ARID4A: variants seen among roughly 807,000 people sequenced by gnomAD.
ARID4A encodes AT-rich interactive domain-containing protein 4A.
Under a neutral mutation model 148.6 loss-of-function variants are expected in ARID4A, and 39 were observed. That is an observed-to-expected ratio of 0.26 (90% confidence interval 0.20 to 0.34). The LOEUF is 0.34. Among genes scored for constraint, ARID4A ranks in the 10% least tolerant of loss-of-function variants. The pLI is 1.00. For synonymous variants in ARID4A, 475 were observed against 481.2 expected, an observed-to-expected ratio of 0.99 and a Z score of 0.17; for missense variants, 1,265 against 1,449.1, an observed-to-expected ratio of 0.87 and a Z score of 2.06.
chr14:58,300,182 G>C (rs61028503), intron 2 of ARID4A, among the ~76,000 whole-genome samples: 454 of 152,200 alleles, frequency 3.0e-3, no homozygotes, highest in African/African-American at 0.011. Context: ...GGTTCTTTGG[G>C]GGATTTTTTG....
chr14:58,325,275 C>CTTGTT (rs560915049), intron 8 of ARID4A, among the ~76,000 whole-genome samples: 113 of 152,036 alleles, frequency 7.4e-4, no homozygotes, highest in East Asian at 7.4e-3. Context: ...CTTAAATACT[C>CTTGTT]TTGTTTTGTT....
chr14:58,303,441 T>G, intron 3 of ARID4A: 1 of 443,148 alleles, frequency 2.3e-6, no homozygotes, highest in East Asian at 7.2e-5. Context: ...CCAGATTTTT[T>G]TTACTGTGCC....
intron 8 of ARID4A, among the ~76,000 whole-genome samples, chr14:58,326,826 G>A (rs1022495510): frequency 6.6e-6 from 1 of 152,136 alleles, no homozygotes; most frequent in Non-Finnish European, 1.5e-5. Flanking sequence ...GCCCAGGTTA[G>A]GTGAAATCTT....
At chr14:58,344,555 C>T in intron 11 of ARID4A, 140 bp from the exon 12 acceptor site, 1 of 594,136 alleles carries the variant, frequency 1.7e-6, no homozygotes, top group Non-Finnish European at 3.0e-6. Flanking sequence ...TAAAATCTGT[C>T]ATTGTAGGAT....
intron 3 of ARID4A, chr14:58,303,621 A>C (rs1249861871): frequency 2.2e-6 from 1 of 453,256 alleles, no homozygotes. Flanking sequence ...GTGGACCCTC[A>C]AAATTTGTTG....
intron 15 of ARID4A, among the ~76,000 whole-genome samples, chr14:58,349,976 G>C (rs2034557373): frequency 6.6e-6 from 1 of 150,734 alleles, no homozygotes; most frequent in African/African-American, 2.4e-5. Context: ...GGGCATGGTG[G>C]TGCGCGCCTG....
intron 10 of ARID4A, 86 bp downstream of exon 10, chr14:58,329,690 T>A: frequency 1.7e-6 from 2 of 1,189,472 alleles, no homozygotes; most frequent in Non-Finnish European, 2.5e-6. Context: ...TACTCTCTGG[T>A]ACCACCATTT....
At chr14:58,315,090 G>A (rs2032319225) in intron 5 of ARID4A, among the ~76,000 whole-genome samples, 2 of 152,172 alleles carry the variant, frequency 1.3e-5, no homozygotes, top group South Asian at 4.1e-4. Flanking sequence ...CTACACTCCA[G>A]CCTGGGTGAC....
chr14:58,363,544 C>G (rs1182894720), intron 19 of ARID4A, among the ~76,000 whole-genome samples: 1 of 151,996 alleles, frequency 6.6e-6, no homozygotes, highest in African/African-American at 2.4e-5. Context: ...TACTAAAATA[C>G]AAAAATTAGC....
intron 17 of ARID4A, among the ~76,000 whole-genome samples, chr14:58,357,156 T>C (rs2034909218): frequency 1.3e-5 from 2 of 152,230 alleles, no homozygotes. Context: ...GACTTTATTA[T>C]AGAATAGACT....
At chr14:58,330,922 C>T (rs12891852) in intron 11 of ARID4A, among the ~76,000 whole-genome samples, 98,669 of 151,572 alleles carry the variant, frequency 0.65, 32,263 homozygotes, top group Middle Eastern at 0.77. Context: ...CTGTCTAGTA[C>T]ATTTTTGGTT....
At chr14:58,344,823 A>G (rs2034278514) in intron 12 of ARID4A, 56 bp downstream of exon 12, 2 of 1,251,136 alleles carry the variant, frequency 1.6e-6, no homozygotes, top group Non-Finnish European at 2.3e-6. Context: ...TTTACATTCT[A>G]GGTATATGCA....
intron 2 of ARID4A, 75 bp from the exon 3 acceptor site, chr14:58,301,505 A>G (rs2031165801): frequency 9.0e-6 from 9 of 1,002,996 alleles, no homozygotes; most frequent in Non-Finnish European, 1.3e-5. Flanking sequence ...TTCAAACACA[A>G]CCTTTTAATG....
intron 23 of ARID4A, among the ~76,000 whole-genome samples, chr14:58,367,931 C>T (rs537326454): frequency 1.4e-4 from 21 of 152,218 alleles, no homozygotes; most frequent in African/African-American, 5.1e-4. Flanking sequence ...CAACAAGAAG[C>T]AAGCCAATTA....
chr14:58,347,122 GTAGT>G lies in ARID4A; in HGVS notation c.1172+6_1172+9del. The G allele has an allele frequency of 6.9e-7, 1 of 1,451,454 alleles. No individual in the cohort carries two copies. The highest frequency in any genetic ancestry group is 9.4e-7 in the Non-Finnish European group (1 of 1,062,654). 89.9% of individuals were successfully genotyped at this position (1,451,454 alleles called of 1,614,324 possible). A position where few individuals can be genotyped will look rare whatever the true frequency, so the allele number is the denominator to read the frequency against. On this transcript the variant is annotated splice_donor_region_variant and intron_variant, in intron 14 of 23. Coordinates refer to ENST00000355431, the MANE Select transcript of ARID4A (RefSeq NM_002892.4). The stretch of plus-strand genomic sequence containing the variant: ...TGTAAAAACTGCTTATAGAAAGTAA[GTAGT>G]ATAGTTTATTCATCAAAGAATATAT...
intron 11 of ARID4A, among the ~76,000 whole-genome samples, chr14:58,338,991 C>T (rs972672338): frequency 4.0e-5 from 5 of 126,194 alleles, no homozygotes; most frequent in African/African-American, 6.2e-5. Flanking sequence ...TTTGGAGACA[C>T]AGTCTTACTC....
At chr14:58,322,025 T>C (rs1334321503) in intron 7 of ARID4A, among the ~76,000 whole-genome samples, 67 of 151,802 alleles carry the variant, frequency 4.4e-4, no homozygotes, top group Non-Finnish European at 1.5e-5. Flanking sequence ...GACTGTAGTG[T>C]AGTGGTGCGA....
intron 1 of ARID4A, among the ~76,000 whole-genome samples, chr14:58,298,942 C>CT (rs2030825095): frequency 6.6e-6 from 1 of 152,186 alleles, no homozygotes; most frequent in Non-Finnish European, 1.5e-5. Context: ...GGGAAAATGG[C>CT]TGTGGGGCTG....
intron 2 of ARID4A, among the ~76,000 whole-genome samples, chr14:58,300,950 T>G (rs1236722127): frequency 6.6e-6 from 1 of 152,212 alleles, no homozygotes; most frequent in Non-Finnish European, 1.5e-5. Context: ...TAGATGTTTC[T>G]TAGTAACGCT....
Sources: allele counts gnomAD v4.1 joint callset (sites outside exome capture counted in the v4.1 genomes callset), GRCh38; gene constraint gnomAD v4.1.1; transcripts MANE v1.5; gene names NCBI Gene and HGNC (gene_info 2026-07-23, HGNC 2026-07-21).